ALCAM: variants seen among roughly 807,000 people sequenced by gnomAD.
The protein encoded by ALCAM is CD166 antigen.
A neutral mutation model predicts 70.9 loss-of-function variants in ALCAM; 30 were observed. The ratio of observed to expected loss-of-function variants is 0.42; its 90% CI spans 0.32 to 0.57. ALCAM has a LOEUF of 0.57. Among genes scored for constraint, ALCAM ranks in the 20% least tolerant of loss-of-function variants. ALCAM has a pLI of 0.11. For missense variants in ALCAM, 591 were observed against 695.1 expected, an observed-to-expected ratio of 0.85 and a Z score of 1.68; for synonymous variants, 249 against 242.5, an observed-to-expected ratio of 1.03 and a Z score of -0.25.
chr3:105,490,483 GTCTT>G (rs1938551286), intron 1 of ALCAM, among the ~76,000 whole-genome samples: 1 of 152,150 alleles, frequency 6.6e-6, no homozygotes. Context: ...TGTTCTATGA[GTCTT>G]TATTTTTTGT....
Position 105,552,475 on chromosome 3 carries a change from C to T in ALCAM, c.1554C>T (p.Asn518=). 2 of 1,611,480 alleles carry T rather than the reference C, an allele frequency of 1.2e-6. No homozygotes were observed. The highest frequency in any genetic ancestry group is 1.7e-6 in the Non-Finnish European group (2 of 1,178,172). The change falls in exon 14 of 16, where the codon AAC becomes AAT. Residue 518 remains asparagine, a synonymous_variant. Transcript: ENST00000306107. ...TTTTCTTCTTTGTTGCAGATGAAAACAGAGAAAAGGTGAATGACCAGGCAA... is the reference window on the plus strand; with the variant it reads ...TTTTCTTCTTTGTTGCAGATGAAAATAGAGAAAAGGTGAATGACCAGGCAA... The part of the protein sequence containing the change: ...HDEADEISDE[N]REKVNDQAKL...
chr3:105,517,278 CT>C (rs1213976071), intron 1 of ALCAM, among the ~76,000 whole-genome samples: 1 of 152,032 alleles, frequency 6.6e-6, no homozygotes, highest in African/African-American at 2.4e-5. Flanking sequence ...AAAATTGATT[CT>C]AAAATAAGCA....
chr3:105,407,411 T>C (rs1936268020), intron 1 of ALCAM, among the ~76,000 whole-genome samples: 2 of 152,110 alleles, frequency 1.3e-5, no homozygotes, highest in African/African-American at 4.8e-5. Flanking sequence ...CAGGGATTGT[T>C]TAACATACAT....
intron 14 of ALCAM, among the ~76,000 whole-genome samples, chr3:105,556,158 A>G (rs1235596172): frequency 6.6e-5 from 10 of 152,048 alleles, no homozygotes; most frequent in Non-Finnish European, 1.3e-4. Flanking sequence ...ATTCATTCCT[A>G]TCTTGCATAT....
chr3:105,411,205 G>A (rs546771856), intron 1 of ALCAM, among the ~76,000 whole-genome samples: 1 of 152,114 alleles, frequency 6.6e-6, no homozygotes, highest in South Asian at 2.1e-4. Context: ...TTTATAAAGT[G>A]GATAATAATT....
rs371136733 is a variant in ALCAM at position 105,421,839 on chromosome 3, AT to A, written c.73+54368del. ...GAAAATACTTTTCTTGAGGTTTTTA[AT>A]TTTTTTTTTAACTTCAATATCTTTT... On this transcript the variant is annotated intron_variant, in intron 1 of 15. Transcript: ENST00000306107. 9.8e-3 allele frequency among the ~76,000 whole-genome samples: 1,467 copies of A among 149,628 alleles called. 14 individuals are homozygous for A. The highest frequency in any genetic ancestry group is 0.028 in the African/African-American group (1,154 of 40,956).
intron 1 of ALCAM, among the ~76,000 whole-genome samples, chr3:105,402,633 G>A (rs1936116514): frequency 6.6e-6 from 1 of 152,086 alleles, no homozygotes; most frequent in African/African-American, 2.4e-5. Context: ...CACTTCCTTG[G>A]AGACCTGTAT....
chr3:105,533,843 G>A (rs2399049), intron 5 of ALCAM, among the ~76,000 whole-genome samples, 153 bp downstream of exon 5: 125,926 of 152,050 alleles, frequency 0.83, 52,270 homozygotes, highest in East Asian at 0.96. Context: ...CAGGGTGGGG[G>A]GATGGTTTCA....
intron 1 of ALCAM, among the ~76,000 whole-genome samples, chr3:105,490,338 C>T (rs187367986): frequency 9.2e-5 from 14 of 152,276 alleles, no homozygotes; most frequent in South Asian, 4.1e-4. Flanking sequence ...TAGCTTTAAC[C>T]GTTAAGGAAA....
chr3:105,505,825 T>A (rs1004340478), intron 1 of ALCAM, among the ~76,000 whole-genome samples: 2 of 152,198 alleles, frequency 1.3e-5, no homozygotes, highest in Non-Finnish European at 2.9e-5. Flanking sequence ...TAACCTACAC[T>A]ATTCTTCAGA....
At chr3:105,380,224 A>G (rs936682007) in intron 1 of ALCAM, among the ~76,000 whole-genome samples, 1 of 151,838 alleles carries the variant, frequency 6.6e-6, no homozygotes, top group African/African-American at 2.4e-5. Flanking sequence ...TTCAAGCTAA[A>G]TTGATATTCA....
chr3:105,550,822 A>C (rs1473143591), intron 12 of ALCAM, among the ~76,000 whole-genome samples: 1 of 151,614 alleles, frequency 6.6e-6, no homozygotes, highest in African/African-American at 2.4e-5. Flanking sequence ...CGAAAATCAG[A>C]TAAGTGAAAC....
intron 1 of ALCAM, among the ~76,000 whole-genome samples, chr3:105,500,791 T>C (rs1428207693): frequency 6.6e-6 from 1 of 152,212 alleles, no homozygotes; most frequent in African/African-American, 2.4e-5. Flanking sequence ...TCACTTATCA[T>C]TTCAAATGTA....
chr3:105,566,663 G>T (rs1292703366), intron 14 of ALCAM, among the ~76,000 whole-genome samples: 4 of 152,026 alleles, frequency 2.6e-5, no homozygotes, highest in Admixed American at 1.3e-4. Context: ...ATCTACTCAT[G>T]TTAAAAATCT....
chr3:105,502,064 A>G (rs1331263838), intron 1 of ALCAM, among the ~76,000 whole-genome samples: 2 of 152,226 alleles, frequency 1.3e-5, no homozygotes, highest in Admixed American at 6.5e-5. Context: ...CTGACATACT[A>G]TCTTTTTGCC....
chr3:105,493,112 T>C (rs186367228), intron 1 of ALCAM, among the ~76,000 whole-genome samples: 1 of 152,332 alleles, frequency 6.6e-6, no homozygotes, highest in Admixed American at 6.5e-5. Flanking sequence ...AGGAAAGCAC[T>C]GTGTTGTATC....
In ALCAM at chr3:105,550,250, G is replaced by A. The variant is rs967616399; in HGVS notation, c.1498G>A (p.Val500Ile). 7 of 1,600,950 alleles carry A rather than the reference G, an allele frequency of 4.4e-6. No homozygotes were observed. Among genetic ancestry groups the A allele is most frequent in the East Asian group, 4.5e-5 (2 of 44,576 alleles). Residue 500 changes from valine (V) to isoleucine (I), a missense_variant, in exon 12 of 16, where the codon GTC becomes ATC. Coordinates refer to ENST00000306107, the MANE Select transcript of ALCAM (RefSeq NM_001627.4). ...QLERTVNSLN[V>I]SAISIPEHDE... ...GGAGAGAACAGTAAACTCCTTGAATGTCTCTGCTAGTGAGTATTTTATTTC... is the reference window on the plus strand; with the variant it reads ...GGAGAGAACAGTAAACTCCTTGAATATCTCTGCTAGTGAGTATTTTATTTC...
intron 1 of ALCAM, among the ~76,000 whole-genome samples, chr3:105,376,648 A>G (rs1263209898): frequency 6.6e-6 from 1 of 152,230 alleles, no homozygotes. Context: ...ACTATTTGCT[A>G]GAAATTTTGG....
chr3:105,371,071 C>T (rs1935216682), intron 1 of ALCAM, among the ~76,000 whole-genome samples: 1 of 152,060 alleles, frequency 6.6e-6, no homozygotes, highest in Non-Finnish European at 1.5e-5. Context: ...TCTTGTCTTA[C>T]CAGATTCCAA....
Sources: allele counts gnomAD v4.1 joint callset (sites outside exome capture counted in the v4.1 genomes callset), GRCh38; gene constraint gnomAD v4.1.1; transcripts MANE v1.5; gene names NCBI Gene and HGNC (gene_info 2026-07-23, HGNC 2026-07-21).